The following NOX4 variants were observed in gnomAD, a reference collection of about 807,000 sequenced individuals.
NOX4 encodes the protein kidney oxidase-1.
Under a neutral mutation model 87.6 loss-of-function variants are expected in NOX4, and 69 were observed. The observed-to-expected ratio is 0.79, with a 90% CI of 0.65 to 0.96. The LOEUF (loss-of-function observed/expected upper bound fraction) is 0.96, where lower values mean the gene tolerates loss of function less well. Among genes scored for constraint, NOX4 ranks in the 40% least tolerant of loss-of-function variants. The pLI, the probability that NOX4 is intolerant of heterozygous loss-of-function variation, is 0.00. For missense variants in NOX4, 680 were observed against 681.5 expected (o/e 1.00, Z 0.02); for synonymous variants, 275 against 238.2 (o/e 1.15, Z -1.42).
At chr11:89,346,966 A>T (rs1467173086) in intron 13 of NOX4, among the ~76,000 whole-genome samples, 3 of 152,324 alleles carry the variant, frequency 2.0e-5, no homozygotes, top group African/African-American at 7.2e-5. Flanking sequence ...CATCAGTAGC[A>T]TTAGGCATTC....
chr11:89,352,913 C>T (rs998768064), intron 13 of NOX4, among the ~76,000 whole-genome samples: 40 of 152,020 alleles, frequency 2.6e-4, no homozygotes, highest in African/African-American at 8.9e-4. Context: ...TCCACCTCCT[C>T]GGTTCAAGCA....
At chr11:89,524,280 T>C in the NOX4 span, among the ~76,000 whole-genome samples, 4 of 152,218 alleles carry the variant, frequency 2.6e-5, no homozygotes, top group African/African-American at 9.6e-5. Flanking sequence ...GCATCCTTTC[T>C]GGAATAGTTT....
At chr11:89,555,640 C>G in the NOX4 span, among the ~76,000 whole-genome samples, 3 of 151,872 alleles carry the variant, frequency 2.0e-5, no homozygotes, top group East Asian at 1.9e-4. Context: ...GAATTTGGGA[C>G]GGGAAAGGCA....
the NOX4 span, among the ~76,000 whole-genome samples, chr11:89,537,449 C>T: frequency 1.1e-3 from 166 of 151,100 alleles, no homozygotes; most frequent in African/African-American, 3.7e-3. Flanking sequence ...ACATAAGTAT[C>T]TCTCATATAG....
the NOX4 span, among the ~76,000 whole-genome samples, chr11:89,579,265 T>C: frequency 6.6e-6 from 1 of 152,182 alleles, no homozygotes; most frequent in South Asian, 2.1e-4. Flanking sequence ...ACTCATAGAA[T>C]GCACAACACC....
At chr11:89,397,784 A>G (rs1941587436) in intron 11 of NOX4, among the ~76,000 whole-genome samples, 1 of 152,128 alleles carries the variant, frequency 6.6e-6, no homozygotes, top group South Asian at 2.1e-4. Context: ...GAATCCCTGA[A>G]AAGACCAATA....
intron 14 of NOX4, among the ~76,000 whole-genome samples, chr11:89,341,124 CTT>C (rs994563200): frequency 2.3e-4 from 29 of 123,908 alleles, no homozygotes; most frequent in South Asian, 1.9e-3. Context: ...ACAATTTCAC[CTT>C]TTTTTTTTTT....
intron 11 of NOX4, among the ~76,000 whole-genome samples, chr11:89,382,857 T>C (rs1326203535): frequency 6.6e-6 from 1 of 152,144 alleles, no homozygotes; most frequent in Admixed American, 6.5e-5. Context: ...CTCCTTTTTC[T>C]TTATCCAACC....
At chr11:89,538,550 A>G in the NOX4 span, among the ~76,000 whole-genome samples, 1 of 152,208 alleles carries the variant, frequency 6.6e-6, no homozygotes, top group African/African-American at 2.4e-5. Flanking sequence ...CTTGGAATTG[A>G]AATAGAATTA....
chr11:89,433,720 G>A (rs1158487004), intron 6 of NOX4, among the ~76,000 whole-genome samples: 4 of 152,010 alleles, frequency 2.6e-5, no homozygotes, highest in African/African-American at 9.7e-5. Context: ...TGAAAAATAT[G>A]TTGAAATCAA....
upstream of NOX4, among the ~76,000 whole-genome samples, chr11:89,496,284 T>C (rs1946949182): frequency 6.6e-6 from 1 of 152,194 alleles, no homozygotes. Flanking sequence ...CCTTATGCCC[T>C]TAAGGACCAG....
chr11:89,508,391 G>A, the NOX4 span, among the ~76,000 whole-genome samples: 3 of 152,190 alleles, frequency 2.0e-5, no homozygotes, highest in Non-Finnish European at 4.4e-5. Flanking sequence ...CAGTACACTT[G>A]ATGGTAATTT....
intron 2 of NOX4, among the ~76,000 whole-genome samples, chr11:89,489,347 AC>A (rs113453909): frequency 2.0e-5 from 3 of 151,780 alleles, no homozygotes; most frequent in Non-Finnish European, 2.9e-5. Flanking sequence ...TTTTTTCTGC[AC>A]CCCCCCACTC....
At chr11:89,551,856 C>A in the NOX4 span, among the ~76,000 whole-genome samples, 2 of 151,990 alleles carry the variant, frequency 1.3e-5, no homozygotes, top group African/African-American at 4.8e-5. Flanking sequence ...GAGAGGGCAT[C>A]CTTGTCTTGT....
At chr11:89,419,604 GAATA>G (rs1565264367) in intron 8 of NOX4, among the ~76,000 whole-genome samples, 1 of 151,446 alleles carries the variant, frequency 6.6e-6, no homozygotes, top group African/African-American at 2.4e-5. Context: ...TACCTATAAT[GAATA>G]AATACATATT....
chr11:89,566,755 G>C, the NOX4 span, among the ~76,000 whole-genome samples: 1 of 152,172 alleles, frequency 6.6e-6, no homozygotes, highest in South Asian at 2.1e-4. Flanking sequence ...CTGGGCTGAA[G>C]GGGGAGGAAG....
intron 11 of NOX4, among the ~76,000 whole-genome samples, chr11:89,380,710 A>G (rs1424854954): frequency 4.6e-5 from 7 of 152,124 alleles, no homozygotes; most frequent in Admixed American, 4.6e-4. Flanking sequence ...AAAAAAGCCA[A>G]ACTAGAGCAG....
At chr11:89,433,595 T>C (rs75333776) in intron 6 of NOX4, among the ~76,000 whole-genome samples, 5,270 of 152,050 alleles carry the variant, frequency 0.035, 321 homozygotes, top group African/African-American at 0.12. Context: ...AAACAAAAAA[T>C]AAAGCCTAAA....
the NOX4 span, among the ~76,000 whole-genome samples, chr11:89,549,325 A>G: frequency 6.6e-6 from 1 of 152,166 alleles, no homozygotes; most frequent in Non-Finnish European, 1.5e-5. Context: ...GTTCTCTACT[A>G]TATTTAACAG....
Sources: gnomAD v4.1 joint callset for allele counts (sites outside exome capture counted in the v4.1 genomes callset) on GRCh38, gnomAD v4.1.1 for gene constraint, MANE v1.5 for transcripts, NCBI Gene and HGNC (gene_info 2026-07-23, HGNC 2026-07-21) for gene names.